ARHGAP39: variants seen among roughly 807,000 people sequenced by gnomAD.
ARHGAP39 encodes Rho GTPase activating protein 39, also known as rho GTPase-activating protein 39.
In ARHGAP39, 44 loss-of-function variants were observed where a neutral mutation model predicts 106.9. That is an observed-to-expected ratio of 0.41 (90% CI 0.32 to 0.53). The LOEUF (loss-of-function observed/expected upper bound fraction) is 0.53, where lower values mean the gene tolerates loss of function less well. ARHGAP39 is among the 20% of genes least tolerant of loss of function. ARHGAP39 has a pLI of 0.21. For synonymous variants in ARHGAP39, 768 were observed against 693.2 expected (o/e 1.11, Z -1.69); for missense variants, 1,496 against 1,577.3 (o/e 0.95, Z 0.87).
At chr8:144,626,764 G>A (rs1586624269) in intron 1 of ARHGAP39, among the ~76,000 whole-genome samples, 2 of 152,308 alleles carry the variant, frequency 1.3e-5, no homozygotes, top group South Asian at 4.1e-4. Flanking sequence ...ACACGCCCGC[G>A]GCTCTGCTGG....
chr8:144,601,348 G>A (rs1819926281), intron 2 of ARHGAP39, among the ~76,000 whole-genome samples: 1 of 141,130 alleles, frequency 7.1e-6, no homozygotes, highest in Non-Finnish European at 1.6e-5. Flanking sequence ...TCGTGTACCT[G>A]TGTGCGTGTG....
chr8:144,572,088 G>A (rs929033753), intron 3 of ARHGAP39, among the ~76,000 whole-genome samples: 5 of 152,132 alleles, frequency 3.3e-5, no homozygotes, highest in Non-Finnish European at 7.3e-5. Context: ...GCCCCATCAA[G>A]CTACCAATGA....
chr8:144,650,736 G>C (rs1354055411), intron 1 of ARHGAP39, among the ~76,000 whole-genome samples: 1 of 152,114 alleles, frequency 6.6e-6, no homozygotes, highest in Non-Finnish European at 1.5e-5. Context: ...AATAAACCAA[G>C]TATTGAAGGA....
At chr8:144,594,762 G>A (rs1819539732) in intron 2 of ARHGAP39, among the ~76,000 whole-genome samples, 1 of 151,680 alleles carries the variant, frequency 6.6e-6, no homozygotes, top group African/African-American at 2.4e-5. Context: ...GCAAACATGT[G>A]TAGTCCCTGC....
intron 3 of ARHGAP39, among the ~76,000 whole-genome samples, chr8:144,564,910 A>C (rs1456463257): frequency 6.6e-6 from 1 of 151,796 alleles, no homozygotes; most frequent in Non-Finnish European, 1.5e-5. Context: ...GGAGTTCGAG[A>C]CCAACCTGAC....
chr8:144,602,444 TGC>T (rs1434316429), intron 2 of ARHGAP39, among the ~76,000 whole-genome samples: 12 of 137,718 alleles, frequency 8.7e-5, no homozygotes, highest in Admixed American at 3.0e-4. Context: ...CATGGAGTTG[TGC>T]GTGCGAGCTC....
At chr8:144,569,530 A>G (rs1287376405) in intron 3 of ARHGAP39, among the ~76,000 whole-genome samples, 1 of 152,262 alleles carries the variant, frequency 6.6e-6, no homozygotes, top group East Asian at 1.9e-4. Flanking sequence ...GACAAAAAAG[A>G]GTGCATACTG....
intron 2 of ARHGAP39, among the ~76,000 whole-genome samples, chr8:144,596,613 C>T (rs1272117629): frequency 6.6e-6 from 1 of 152,202 alleles, no homozygotes; most frequent in Non-Finnish European, 1.5e-5. Flanking sequence ...GGAAGCCCTG[C>T]AACGGTGAGC....
chr8:144,583,473 G>A (rs1819075909), intron 2 of ARHGAP39, among the ~76,000 whole-genome samples: 1 of 152,142 alleles, frequency 6.6e-6, no homozygotes, highest in African/African-American at 2.4e-5. Context: ...GGGACTGGGT[G>A]CCCACTAAGG....
intron 3 of ARHGAP39, among the ~76,000 whole-genome samples, chr8:144,565,696 A>G (rs1321817668): frequency 2.0e-5 from 3 of 152,116 alleles, no homozygotes; most frequent in African/African-American, 7.2e-5. Flanking sequence ...TTAAAAAACA[A>G]AAGAAAAGAA....
intron 2 of ARHGAP39, among the ~76,000 whole-genome samples, chr8:144,587,320 G>T (rs947168821): frequency 1.3e-5 from 2 of 152,214 alleles, no homozygotes; most frequent in South Asian, 2.1e-4. Context: ...GGCTACAGCA[G>T]CTCCTCAGGG....
intron 3 of ARHGAP39, among the ~76,000 whole-genome samples, chr8:144,569,921 G>A (rs1012147300): frequency 2.6e-5 from 4 of 152,158 alleles, no homozygotes; most frequent in African/African-American, 9.7e-5. Flanking sequence ...GAGAGCAACA[G>A]AAAAGCGTAT....
At chr8:144,550,745 C>T (rs2130850677) in intron 4 of ARHGAP39, among the ~76,000 whole-genome samples, 3 of 152,358 alleles carry the variant, frequency 2.0e-5, no homozygotes, top group African/African-American at 7.2e-5. Flanking sequence ...AGCCTGACAA[C>T]AGGGGCTAGC....
intron 3 of ARHGAP39, among the ~76,000 whole-genome samples, chr8:144,579,504 G>A (rs368076420): frequency 1.1e-4 from 17 of 152,038 alleles, no homozygotes; most frequent in South Asian, 2.1e-4. Context: ...CACCAACACC[G>A]TCTTCCCGGT....
intron 11 of ARHGAP39, 31 bp downstream of exon 11, chr8:144,530,671 A>T (rs1289607778): frequency 6.5e-7 from 1 of 1,544,532 alleles, no homozygotes; most frequent in Admixed American, 1.9e-5. Context: ...GGGGAGGGGA[A>T]AGCAGCGGGG....
At position 144,645,601 on chromosome 8, in the gene ARHGAP39, A is replaced by G. The variant is rs1821421777; in HGVS notation, c.-81-39906T>C. Among the ~76,000 whole-genome samples the G allele has an allele frequency of 6.6e-6, 1 of 152,276 alleles. No individual in the cohort carries two copies. Among genetic ancestry groups the G allele is most frequent in the Non-Finnish European group, 1.5e-5 (1 of 68,048 alleles). Reference sequence around the variant, plus strand: ...GCCTCACTCTGGTCTCTCCCGGCACAGAGTCCCATGAATGTCATCATCCCA... The same window carrying G: ...GCCTCACTCTGGTCTCTCCCGGCACGGAGTCCCATGAATGTCATCATCCCA... On this transcript the variant is annotated intron_variant, in intron 1 of 11. Coordinates refer to ENST00000377307, the MANE Select transcript of ARHGAP39 (RefSeq NM_025251.3). The surrounding 1 kb of genome is among the most constrained non-coding windows in gnomAD (Gnocchi z 4.4).
chr8:144,530,649 C>CG, intron 11 of ARHGAP39, 33 bp from the exon 12 acceptor site: 1 of 134,148 alleles, frequency 7.5e-6, no homozygotes, highest in Admixed American at 3.1e-4. Flanking sequence ...CGCGGAGGGG[C>CG]GGGGGCGGGG....
rs555994801 is a variant in ARHGAP39, at chr8:144,604,265, G to C, written c.80+1270C>G. ...GGTCAGAGGTCATGTTGCCAGGTGA[G>C]GGGCAGATGGACAGCAGTGTCTGCA... On this transcript the variant is annotated intron_variant, in intron 2 of 11. Transcript: ENST00000377307. This position sits in a 1 kb window ranked among gnomAD's most constrained non-coding sequence, Gnocchi z 4.1. Among the ~76,000 whole-genome samples, 1 of 152,320 alleles carries C rather than the reference G, an allele frequency of 6.6e-6. No homozygotes were observed. The highest frequency in any genetic ancestry group is 1.9e-4 in the East Asian group (1 of 5,172).
At chr8:144,587,089 TGAA>T (rs1335736636) in intron 2 of ARHGAP39, among the ~76,000 whole-genome samples, 1 of 152,244 alleles carries the variant, frequency 6.6e-6, no homozygotes, top group Non-Finnish European at 1.5e-5. Context: ...TGCCACCATG[TGAA>T]GAAGGACTTG....
Sources: allele counts gnomAD v4.1 joint callset (sites outside exome capture counted in the v4.1 genomes callset), GRCh38; gene constraint gnomAD v4.1.1; non-coding constraint Gnocchi (gnomAD v3.1); transcripts MANE v1.5; gene names NCBI Gene and HGNC (gene_info 2026-07-23, HGNC 2026-07-21).